Variants in GATA4 observed in about 807,000 individuals in gnomAD.
GATA4 encodes the protein GATA binding protein 4.
A neutral mutation model predicts 37.9 loss-of-function variants in GATA4; 7 were observed. The ratio of observed to expected loss-of-function variants is 0.18; its 90% CI spans 0.11 to 0.35. The LOEUF (loss-of-function observed/expected upper bound fraction) is 0.35. Among genes scored for constraint, GATA4 ranks in the 10% least tolerant of loss-of-function variants. GATA4 has a pLI of 1.00. For synonymous variants in GATA4, 372 were observed against 292.6 expected, an observed-to-expected ratio of 1.27 and a Z score of -2.77; for missense variants, 647 against 653.0, an observed-to-expected ratio of 0.99 and a Z score of 0.10.
chr8:11,737,390 A>G (rs1052347395), intron 2 of GATA4, among the ~76,000 whole-genome samples: 2 of 151,954 alleles, frequency 1.3e-5, no homozygotes, highest in South Asian at 2.1e-4. Flanking sequence ...CTCCCTGCAG[A>G]CCCATTGTCT....
chr8:11,681,135 C>G (rs1264755708), intron 1 of GATA4: 1 of 985,112 alleles, frequency 1.0e-6, no homozygotes, highest in African/African-American at 1.7e-5. Flanking sequence ...AAACCGAGCC[C>G]AGGGAATCTC....
chr8:11,693,896 G>C (rs1799422771), intron 1 of GATA4, among the ~76,000 whole-genome samples: 1 of 152,198 alleles, frequency 6.6e-6, no homozygotes, highest in African/African-American at 2.4e-5. Context: ...CCCCAACTCA[G>C]GCCACAGCCT....
rs1236239857 is a variant in GATA4, at chr8:11,708,239, G to C, written c.-74G>C. On this transcript the variant is annotated 5_prime_UTR_variant, in exon 2 of 7. Transcript: ENST00000532059. This position sits in a 1 kb window ranked among gnomAD's most constrained non-coding sequence, Gnocchi z 6.7. Reference sequence around the variant, plus strand: ...CACGCATATTATCGTTGTTGCCGTCGTTTTCTCTCCCCGCGTGGCTCCTTG... The same window carrying C: ...CACGCATATTATCGTTGTTGCCGTCCTTTTCTCTCCCCGCGTGGCTCCTTG... 1 of 1,513,096 alleles carries C rather than the reference G, an allele frequency of 6.6e-7. No homozygotes were observed. Among genetic ancestry groups the C allele is most frequent in the African/African-American group, 1.4e-5 (1 of 72,796 alleles). The allele number at this position is 1,513,096 out of a possible 1,614,324, so 93.7% of individuals were successfully genotyped here.
At chr8:11,696,560 C>T (rs1319362734) in intron 1 of GATA4, among the ~76,000 whole-genome samples, 1 of 152,194 alleles carries the variant, frequency 6.6e-6, no homozygotes, top group Non-Finnish European at 1.5e-5. Context: ...ATGAATAAAG[C>T]TGTAGGTTTT....
intron 2 of GATA4, among the ~76,000 whole-genome samples, chr8:11,727,125 G>A (rs1346129231): frequency 6.6e-6 from 1 of 152,168 alleles, no homozygotes. Context: ...CCTGTTTAAA[G>A]GCGTTTAAAG....
intron 2 of GATA4, among the ~76,000 whole-genome samples, chr8:11,712,935 A>T (rs1482547308): frequency 6.6e-6 from 1 of 152,244 alleles, no homozygotes; most frequent in Non-Finnish European, 1.5e-5. Flanking sequence ...AAATAATACA[A>T]TGCAACCTGG....
At position 11,744,305 on chromosome 8, in the gene GATA4, T is replaced by G. The variant is rs138992737; in HGVS notation, c.617-4611T>G. ...TCTCATTTGATGTTTGCAAAGCACT[T>G]TACAGCCATTGTTGTAAGTTTTTCC... On this transcript the variant is annotated intron_variant, in intron 2 of 6. Coordinates refer to ENST00000532059, the MANE Select transcript of GATA4 (RefSeq NM_001308093.3). 4.6e-3 allele frequency among the ~76,000 whole-genome samples: 696 copies of G among 152,364 alleles called. 5 individuals carry two copies. The highest frequency in any genetic ancestry group is 0.016 in the African/African-American group (655 of 41,582).
upstream of GATA4, among the ~76,000 whole-genome samples, chr8:11,690,832 C>G (rs80020456): frequency 0.036 from 5,516 of 152,316 alleles, 139 homozygotes; most frequent in East Asian, 0.11. Context: ...GATTGCACTA[C>G]TGCACTCCAA....
rs1410031965 is a variant in GATA4 at position 11,693,072 on chromosome 8, A to G, written c.-729+412A>G. 5.1e-6 allele frequency: 5 copies of G among 985,064 alleles called. No homozygotes were observed. The African/African-American group carries it at 7.0e-5, about 14-fold the overall frequency. The allele number at this position is 985,064 out of a possible 1,614,324, so 61.0% of individuals were successfully genotyped here. ...TGGAGTGGGCCGGCAGCGTTTTTCT[A>G]CCCGGCAACAAATACATGGCTTTAT... On this transcript the variant is annotated intron_variant, in intron 1 of 2. Transcript: ENST00000526974.
chr8:11,750,373 C>G (rs1220572562), intron 4 of GATA4, 137 bp downstream of exon 4: 1 of 1,235,932 alleles, frequency 8.1e-7, no homozygotes, highest in Non-Finnish European at 1.1e-6. Flanking sequence ...GGGCTTTCAA[C>G]TACTTTGCTG....
intron 2 of GATA4, among the ~76,000 whole-genome samples, chr8:11,734,873 A>G (rs892737440): frequency 2.0e-5 from 3 of 152,226 alleles, no homozygotes; most frequent in Non-Finnish European, 4.4e-5. Flanking sequence ...CCCAACCTCC[A>G]AATACCATCA....
chr8:11,735,866 C>A (rs1345780189), intron 2 of GATA4, among the ~76,000 whole-genome samples: 1 of 151,962 alleles, frequency 6.6e-6, no homozygotes, highest in African/African-American at 2.4e-5. Flanking sequence ...TAGCTGAGAC[C>A]TTTTGTTTCT....
chr8:11,755,885 G>A (rs1802534854), intron 5 of GATA4, among the ~76,000 whole-genome samples: 2 of 149,220 alleles, frequency 1.3e-5, no homozygotes, highest in South Asian at 2.1e-4. Context: ...CTTCAGCCTG[G>A]AGAGCAGAGC....
Position 11,709,577 on chromosome 8 carries a change from G to GGA in GATA4, c.616+650_616+651insAG, listed in dbSNP as rs1554488909. Among the ~76,000 whole-genome samples the GGA allele has an allele frequency of 7.3e-6, 1 of 136,380 alleles. No individual in the cohort carries two copies. The highest frequency in any genetic ancestry group is 2.4e-4 in the East Asian group (1 of 4,174). 89.5% of individuals were successfully genotyped at this position (136,380 alleles called of 152,430 possible). A position where few individuals can be genotyped will look rare whatever the true frequency, so the allele number is the denominator to read the frequency against. ...GCGTGGGCGCATCATGCGGGCAGCGGGGGGGGGGGCGCACACGCCCGGTCA... is the reference window on the plus strand; with the variant it reads ...GCGTGGGCGCATCATGCGGGCAGCGGGAGGGGGGGGGCGCACACGCCCGGTCA... On this transcript the variant is annotated intron_variant, in intron 2 of 6. Coordinates refer to ENST00000532059, the MANE Select transcript of GATA4 (RefSeq NM_001308093.3). This position sits in a 1 kb window ranked among gnomAD's most constrained non-coding sequence, Gnocchi z 4.3.
upstream of GATA4, among the ~76,000 whole-genome samples, chr8:11,690,823 A>G (rs1335817687): frequency 6.6e-6 from 1 of 152,202 alleles, no homozygotes; most frequent in Non-Finnish European, 1.5e-5. Flanking sequence ...GTGAACTATG[A>G]TTGCACTACT....
upstream of GATA4, among the ~76,000 whole-genome samples, chr8:11,701,102 T>C (rs1302117153): frequency 6.6e-6 from 1 of 152,070 alleles, no homozygotes. Flanking sequence ...CCAGCTCAAG[T>C]CCCAAGAGCC....
chr8:11,694,147 G>A (rs923864914), intron 1 of GATA4, among the ~76,000 whole-genome samples: 1 of 152,168 alleles, frequency 6.6e-6, no homozygotes, highest in Non-Finnish European at 1.5e-5. Context: ...TCCGGTTTGC[G>A]GGTAGAAACT....
At chr8:11,699,970 A>G (rs563861702), upstream of GATA4, among the ~76,000 whole-genome samples, 1 of 152,366 alleles carries the variant, frequency 6.6e-6, no homozygotes, top group African/African-American at 2.4e-5. Flanking sequence ...GAATGGAAAA[A>G]AAAGAACTAA....
At chr8:11,693,550 CACACACACACACAGAGAGAG>C (rs1799398807) in intron 1 of GATA4, among the ~76,000 whole-genome samples, 5 of 115,674 alleles carry the variant, frequency 4.3e-5, no homozygotes, top group Admixed American at 1.8e-4. Flanking sequence ...CACACACACA[CACACACACACACAGAGAGAG>C]AGAGAGAGAG....
Sources: allele counts gnomAD v4.1 joint callset (sites outside exome capture counted in the v4.1 genomes callset), GRCh38; gene constraint gnomAD v4.1.1; non-coding constraint Gnocchi (gnomAD v3.1); transcripts MANE v1.5; gene names NCBI Gene and HGNC (gene_info 2026-07-23, HGNC 2026-07-21).